BLNK: variants seen among roughly 807,000 people sequenced by gnomAD.
BLNK encodes B-cell linker protein.
A neutral mutation model predicts 73.5 loss-of-function variants in BLNK; 29 were observed. The observed-to-expected ratio is 0.39, with a 90% CI of 0.29 to 0.54. BLNK has a LOEUF of 0.54. BLNK is among the 20% of genes least tolerant of loss of function. The pLI is 0.61. For synonymous variants in BLNK, 176 were observed against 200.8 expected (o/e 0.88, Z 1.04); for missense variants, 460 against 562.8 (o/e 0.82, Z 1.85).
chr10:96,214,242 A>G (rs781865201), intron 8 of BLNK, among the ~76,000 whole-genome samples: 6 of 152,188 alleles, frequency 3.9e-5, no homozygotes, highest in Non-Finnish European at 8.8e-5. Context: ...GCAGGCTCCT[A>G]CACCTCTCTG....
At chr10:96,201,812 G>A (rs2083648851) in intron 13 of BLNK, among the ~76,000 whole-genome samples, 1 of 152,134 alleles carries the variant, frequency 6.6e-6, no homozygotes, top group South Asian at 2.1e-4. Context: ...GGGATATACA[G>A]CAGTTAACAA....
chr10:96,262,235 T>C (rs549643837), intron 1 of BLNK, among the ~76,000 whole-genome samples: 1 of 152,136 alleles, frequency 6.6e-6, no homozygotes, highest in Non-Finnish European at 1.5e-5. Flanking sequence ...CCTGAACCTA[T>C]TACACTTAAT....
In BLNK at chr10:96,189,933, G is replaced by A. The variant is rs1204465115; in HGVS notation, c.*2040C>T. The A allele has an allele frequency of 1.2e-5, 12 of 968,474 alleles. No individual in the cohort carries two copies. Among genetic ancestry groups the A allele is most frequent in the South Asian group, 3.8e-5 (3 of 78,704 alleles). The allele number at this position is 968,474 out of a possible 1,614,324, so 60.0% of individuals were successfully genotyped here. ...CCACACTTCAACCATAAAAGCACTG[G>A]TGGTGTTATTTCAAAGACCCCAAGG... is the stretch of plus-strand genomic sequence containing the variant. On this transcript the variant is annotated 3_prime_UTR_variant, in exon 17 of 17. Transcript: ENST00000224337.
intron 16 of BLNK, among the ~76,000 whole-genome samples, chr10:96,196,037 C>T (rs73320968): frequency 0.023 from 3,538 of 152,310 alleles, 158 homozygotes; most frequent in African/African-American, 0.079. Context: ...CTTCAGCAAT[C>T]ATGACATTTT....
At chr10:96,222,015 T>C (rs999415901) in intron 6 of BLNK, among the ~76,000 whole-genome samples, 19 of 152,176 alleles carry the variant, frequency 1.2e-4, no homozygotes, top group African/African-American at 4.1e-4. Flanking sequence ...AGATCTTCAG[T>C]TTTCAGAAGA....
intron 10 of BLNK, 29 bp downstream of exon 10, chr10:96,207,843 A>C: frequency 6.2e-7 from 1 of 1,612,774 alleles, no homozygotes. Flanking sequence ...AGGAAATATG[A>C]AGCACTTTTA....
At chr10:96,250,153 A>G (rs576335740) in intron 1 of BLNK, among the ~76,000 whole-genome samples, 1 of 152,166 alleles carries the variant, frequency 6.6e-6, no homozygotes, top group African/African-American at 2.4e-5. Context: ...AGAGCTCAGG[A>G]AAGAGCCAGG....
intron 13 of BLNK, 40 bp downstream of exon 13, chr10:96,204,017 G>A (rs963592131): frequency 1.0e-5 from 16 of 1,578,854 alleles, no homozygotes; most frequent in Admixed American, 3.3e-5. Flanking sequence ...ATCCAGCCTC[G>A]ACCACTCCCT....
chr10:96,196,806 C>T (rs1403978198), intron 16 of BLNK, 102 bp downstream of exon 16: 5 of 1,186,108 alleles, frequency 4.2e-6, no homozygotes, highest in Non-Finnish European at 6.1e-6. Context: ...AGAACAAGTA[C>T]TTTTGTATCC....
intron 13 of BLNK, among the ~76,000 whole-genome samples, chr10:96,201,722 C>T (rs11188662): frequency 0.28 from 42,039 of 149,524 alleles, 6,445 homozygotes; most frequent in Middle Eastern, 0.41. Flanking sequence ...ATGTGAAATA[C>T]GAAAAAGACT....
chr10:96,201,162 C>A (rs1297633891), intron 13 of BLNK, 104 bp from the exon 14 acceptor site: 36 of 1,045,582 alleles, frequency 3.4e-5, no homozygotes, highest in Admixed American at 2.6e-4. Context: ...GACACATCCA[C>A]CAAAAAAAAT....
intron 8 of BLNK, chr10:96,210,301 T>G (rs1474500924): frequency 7.1e-6 from 2 of 283,664 alleles, no homozygotes; most frequent in South Asian, 4.0e-5. Flanking sequence ...ACTGCACAAA[T>G]GTGCACGGCA....
Position 96,191,851 on chromosome 10 carries a change from C to T in BLNK, c.*122G>A. 7.5e-7 allele frequency: 1 copy of T among 1,337,046 alleles called. No homozygotes were observed. The highest frequency in any genetic ancestry group is 1.1e-6 in the Non-Finnish European group (1 of 940,436). The allele number at this position is 1,337,046 out of a possible 1,614,324, so 82.8% of individuals were successfully genotyped here. On this transcript the variant is annotated 3_prime_UTR_variant, in exon 17 of 17. Transcript: ENST00000224337. ...GGATGACCACTTCAATAGCTGACTCCATCTTCCATTTTATTACTGGATGAT... is the reference window on the plus strand; with the variant it reads ...GGATGACCACTTCAATAGCTGACTCTATCTTCCATTTTATTACTGGATGAT...
At chr10:96,237,396 T>G (rs1554905300) in intron 3 of BLNK, among the ~76,000 whole-genome samples, 1 of 152,176 alleles carries the variant, frequency 6.6e-6, no homozygotes, top group African/African-American at 2.4e-5. Context: ...CCACCCTATA[T>G]TTGCTCTGAT....
At chr10:96,236,076 T>A (rs1359811798) in intron 3 of BLNK, among the ~76,000 whole-genome samples, 1 of 151,744 alleles carries the variant, frequency 6.6e-6, no homozygotes, top group African/African-American at 2.4e-5. Context: ...CAGGACTCTG[T>A]GGTGGTGGCT....
intron 8 of BLNK, among the ~76,000 whole-genome samples, chr10:96,212,593 G>A (rs2083974030): frequency 6.6e-6 from 1 of 152,172 alleles, no homozygotes; most frequent in South Asian, 2.1e-4. Context: ...GCACAGCGGG[G>A]ACGGCAGGGG....
chr10:96,190,935 G>T lies in BLNK; in HGVS notation c.*1038C>A, dbSNP rs2083318124. Among the ~76,000 whole-genome samples the T allele has an allele frequency of 6.6e-6, 1 of 152,132 alleles. No individual in the cohort carries two copies. Among genetic ancestry groups the T allele is most frequent in the South Asian group, 2.1e-4 (1 of 4,822 alleles). ...TCTAGCTTTGCTGTCATTCCACTTT[G>T]AAACTTGATATGGTTTGGCTGTGTC... On this transcript the variant is annotated 3_prime_UTR_variant, in exon 17 of 17. Transcript: ENST00000224337.
rs374291940 is a variant in BLNK at position 96,227,507 on chromosome 10, G to T, written c.264C>A (p.Ala88=). 1 of 1,614,172 alleles carries T rather than the reference G, an allele frequency of 6.2e-7. No individual in the cohort carries two copies. Among genetic ancestry groups the T allele is most frequent in the South Asian group, 1.1e-5 (1 of 91,090 alleles). The part of the protein sequence containing the change: ...HSDSEMYVMP[A]EENADDSYEP... ...CGTAGCTGTCATCAGCGTTCTCCTC[G>T]GCGGGCATCACGTACATCTCTGAGT... The change falls in exon 5 of 17, where the codon GCC becomes GCA. Residue 88 remains alanine (A), a synonymous_variant. Transcript: ENST00000224337.
At position 96,190,239 on chromosome 10, in the gene BLNK, A is replaced by G. The variant is rs2083307793; in HGVS notation, c.*1734T>C. On this transcript the variant is annotated 3_prime_UTR_variant, in exon 17 of 17. Coordinates refer to ENST00000224337, the MANE Select transcript of BLNK (RefSeq NM_013314.4). ...TTCCATCAGGTGGCGGCACACACTT[A>G]GGTGGGAGAGAAAGCAGACGGAGAT... is the stretch of plus-strand genomic sequence containing the variant. 2 of 741,808 alleles carry G rather than the reference A, an allele frequency of 2.7e-6. No homozygotes were observed. Among genetic ancestry groups the G allele is most frequent in the Non-Finnish European group, 4.9e-6 (2 of 405,116 alleles). The allele number at this position is 741,808 out of a possible 1,614,324, so 46.0% of individuals were successfully genotyped here. A position where few individuals can be genotyped will look rare whatever the true frequency, so the allele number is the denominator to read the frequency against.
Sources: allele counts gnomAD v4.1 joint callset (sites outside exome capture counted in the v4.1 genomes callset), GRCh38; gene constraint gnomAD v4.1.1; transcripts MANE v1.5; gene names NCBI Gene and HGNC (gene_info 2026-07-23, HGNC 2026-07-21).